The following GTF2IRD1 variants were observed in gnomAD, a reference collection of about 807,000 sequenced individuals.
GTF2IRD1 encodes the protein general transcription factor II-I repeat domain-containing protein 1.
Under a neutral mutation model 113.2 loss-of-function variants are expected in GTF2IRD1, and 26 were observed. That is an observed-to-expected ratio of 0.23 (90% CI 0.17 to 0.32). The LOEUF is 0.32. Ranked by LOEUF, GTF2IRD1 falls within the 10% of genes least tolerant of loss-of-function variation. GTF2IRD1 has a pLI of 1.00. For missense variants in GTF2IRD1, 864 were observed against 1,280.8 expected (o/e 0.67, Z 4.97); for synonymous variants, 484 against 529.1 (o/e 0.91, Z 1.17).
intron 2 of GTF2IRD1, among the ~76,000 whole-genome samples, chr7:74,510,742 T>C (rs549116147): frequency 3.3e-5 from 5 of 152,226 alleles, no homozygotes; most frequent in South Asian, 4.1e-4. Flanking sequence ...AATGTTTTCA[T>C]AGTCATAGAA....
chr7:74,518,332 G>A lies in GTF2IRD1; in HGVS notation c.605+10G>A, dbSNP rs75652267. 0.015 allele frequency: 22,920 copies of A among 1,573,404 alleles called. 199 individuals are homozygous for A. The highest frequency in any genetic ancestry group is 0.017 in the Non-Finnish European group (19,260 of 1,151,988). The stretch of plus-strand genomic sequence containing the variant: ...GCTTCAAGCTCAAGAGGTGAGTGAG[G>A]TAGCCGGCCCGGGGCTGGGCTGGGG... On this transcript the variant is annotated intron_variant, in intron 5 of 26. Transcript: ENST00000424337.
At chr7:74,586,957 G>C (rs587717247) in intron 22 of GTF2IRD1, among the ~76,000 whole-genome samples, 3 of 152,142 alleles carry the variant, frequency 2.0e-5, no homozygotes, top group African/African-American at 7.2e-5. Flanking sequence ...AACAGCCTGT[G>C]CAACAGAGAG....
At position 74,536,239 on chromosome 7, in the gene GTF2IRD1, C is replaced by G. The variant is rs1554350150; in HGVS notation, c.1373C>G (p.Ser458Cys). Residue 458 changes from serine (S) to cysteine (C), a missense_variant, in exon 11 of 27, where the codon TCT (serine) becomes TGT (cysteine). This residue lies in a region of GTF2IRD1 where 218 missense variants were observed against 352.6 expected (regional missense o/e 0.62). Transcript: ENST00000424337. Reference sequence around the variant, plus strand: ...CCAGAGGACACCTCTGCAGAGGTCTCTAGGGCCACCGTCCTTGACCTTGCT... The same window carrying G: ...CCAGAGGACACCTCTGCAGAGGTCTGTAGGGCCACCGTCCTTGACCTTGCT... ...SPPEDTSAEV[S>C]RATVLDLAGN... The G allele has an allele frequency of 6.2e-7, 1 of 1,612,868 alleles. No homozygotes were observed. The highest frequency in any genetic ancestry group is 8.5e-7 in the Non-Finnish European group (1 of 1,178,964).
chr7:74,563,831 A>G (rs1800125260), intron 22 of GTF2IRD1, among the ~76,000 whole-genome samples: 1 of 150,174 alleles, frequency 6.7e-6, no homozygotes, highest in South Asian at 2.2e-4. Flanking sequence ...GGTTGCAGTG[A>G]GCTGAGATTG....
At chr7:74,580,557 G>T (rs190886917) in intron 22 of GTF2IRD1, among the ~76,000 whole-genome samples, 139 of 152,212 alleles carry the variant, frequency 9.1e-4, no homozygotes, top group African/African-American at 2.6e-3. Context: ...CTGTGATTCA[G>T]TGAGCTTGGT....
At chr7:74,589,504 C>T (rs1801927061) in intron 22 of GTF2IRD1, among the ~76,000 whole-genome samples, 1 of 151,978 alleles carries the variant, frequency 6.6e-6, no homozygotes, top group Non-Finnish European at 1.5e-5. Flanking sequence ...TGAGACCAGC[C>T]TGGGCAACAT....
chr7:74,496,163 GTGTA>G (rs1278418045), intron 1 of GTF2IRD1, among the ~76,000 whole-genome samples: 2 of 151,896 alleles, frequency 1.3e-5, no homozygotes, highest in African/African-American at 2.4e-5. Context: ...GCACAAGTAC[GTGTA>G]TGTGTGTATG....
intron 1 of GTF2IRD1, among the ~76,000 whole-genome samples, chr7:74,473,744 C>T (rs1481947488): frequency 1.3e-5 from 2 of 151,972 alleles, no homozygotes; most frequent in East Asian, 1.9e-4. Flanking sequence ...GTCCATAACC[C>T]ACCCACCATC....
intron 22 of GTF2IRD1, among the ~76,000 whole-genome samples, chr7:74,566,483 C>G (rs371603927): frequency 3.9e-5 from 6 of 152,342 alleles, no homozygotes; most frequent in Middle Eastern, 6.8e-3. Flanking sequence ...GCTGGGATTA[C>G]AGGTGCCCGC....
chr7:74,538,321 C>T (rs750998168), intron 12 of GTF2IRD1, 148 bp downstream of exon 12: 8 of 774,856 alleles, frequency 1.0e-5, no homozygotes, highest in South Asian at 3.2e-5. Flanking sequence ...CACTAGGCCT[C>T]GCAGAGCTGA....
intron 22 of GTF2IRD1, among the ~76,000 whole-genome samples, chr7:74,561,867 C>CGTCAGA (rs1444226029): frequency 6.6e-6 from 1 of 152,112 alleles, no homozygotes; most frequent in Non-Finnish European, 1.5e-5. Flanking sequence ...GACGCTAGAG[C>CGTCAGA]CCACCTTACA....
At chr7:74,471,701 A>AAAAC (rs1554332421) in intron 1 of GTF2IRD1, among the ~76,000 whole-genome samples, 2 of 134,708 alleles carry the variant, frequency 1.5e-5, no homozygotes, top group African/African-American at 5.6e-5. Flanking sequence ...AAAAAAAAAA[A>AAAAC]CAAAAAAAAC....
At chr7:74,455,837 C>T (rs1410433563) in intron 1 of GTF2IRD1, among the ~76,000 whole-genome samples, 1 of 152,168 alleles carries the variant, frequency 6.6e-6, no homozygotes, top group Non-Finnish European at 1.5e-5. Context: ...GAGGGTCCCA[C>T]AGGACCCCAC....
chr7:74,517,001 T>TTTTTTGTTGTTG (rs1554344715), intron 4 of GTF2IRD1, among the ~76,000 whole-genome samples: 4 of 90,182 alleles, frequency 4.4e-5, no homozygotes, highest in African/African-American at 2.2e-4. Context: ...CTCTCCTGTC[T>TTTTTTGTTGTTG]TTGTTGTTGT....
chr7:74,571,199 C>A, intron 22 of GTF2IRD1: 7 of 733,662 alleles, frequency 9.5e-6, no homozygotes, highest in Non-Finnish European at 1.7e-6. Flanking sequence ...CCTACCTGGG[C>A]CTCAGTTTCC....
At chr7:74,550,100 AGAG>A (rs782108222) in intron 17 of GTF2IRD1, among the ~76,000 whole-genome samples, 6 of 151,786 alleles carry the variant, frequency 4.0e-5, no homozygotes, top group Non-Finnish European at 7.4e-5. Context: ...CAAGAGGCAA[AGAG>A]GAGAATCACT....
intron 22 of GTF2IRD1, among the ~76,000 whole-genome samples, chr7:74,564,868 A>G (rs1554360213): frequency 6.6e-6 from 1 of 152,188 alleles, no homozygotes; most frequent in African/African-American, 2.4e-5. Flanking sequence ...CTGCTCTGAC[A>G]TGCTGAGTGG....
At chr7:74,559,737 G>A in intron 22 of GTF2IRD1, 82 bp downstream of exon 22, 5 of 1,207,116 alleles carry the variant, frequency 4.1e-6, no homozygotes, top group Non-Finnish European at 5.7e-6. Context: ...CCTGCTGTGG[G>A]GCACAGGTTC....
chr7:74,454,809 G>A (rs1463526540), intron 1 of GTF2IRD1, among the ~76,000 whole-genome samples: 2 of 152,204 alleles, frequency 1.3e-5, no homozygotes, highest in African/African-American at 4.8e-5. Flanking sequence ...GGGTTCAGAG[G>A]AGTAAGTTGG....
Sources: allele counts gnomAD v4.1 joint callset (sites outside exome capture counted in the v4.1 genomes callset), GRCh38; gene constraint gnomAD v4.1.1; regional missense constraint gnomAD v4.1.1; transcripts MANE v1.5; gene names NCBI Gene and HGNC (gene_info 2026-07-23, HGNC 2026-07-21).